Variants in COL4A3 observed in about 807,000 individuals in gnomAD.
The protein encoded by COL4A3 is collagen alpha-3(IV) chain.
COL4A3 carries 135 observed loss-of-function variants against 217.4 expected under a neutral mutation model. The ratio of observed to expected loss-of-function variants is 0.62; its 90% CI spans 0.54 to 0.72. The LOEUF is 0.72. Among genes scored for constraint, COL4A3 ranks in the 30% least tolerant of loss-of-function variants. COL4A3 has a pLI of 0.00. For missense variants in COL4A3, 1,868 were observed against 2,119.9 expected, an observed-to-expected ratio of 0.88 and a Z score of 2.33; for synonymous variants, 690 against 736.3, an observed-to-expected ratio of 0.94 and a Z score of 1.02.
At chr2:227,281,088 G>A in intron 31 of COL4A3, 82 bp downstream of exon 31, 1 of 860,780 alleles carries the variant, frequency 1.2e-6, no homozygotes, top group Non-Finnish European at 1.9e-6. Flanking sequence ...CTTAACATGG[G>A]AACTGTCCAG....
intron 1 of COL4A3, among the ~76,000 whole-genome samples, chr2:227,193,470 T>C (rs1218930239): frequency 6.6e-6 from 1 of 152,186 alleles, no homozygotes; most frequent in Non-Finnish European, 1.5e-5. Context: ...TCCTAGCACT[T>C]GGGGAGGCCG....
intron 51 of COL4A3, 66 bp from the exon 52 acceptor site, chr2:227,311,720 C>A: frequency 6.6e-7 from 1 of 1,511,424 alleles, no homozygotes; most frequent in South Asian, 1.2e-5. Flanking sequence ...ATTAATAAAA[C>A]AAACTCAGCA....
intron 3 of COL4A3, among the ~76,000 whole-genome samples, chr2:227,243,850 T>G (rs2125903077): frequency 6.6e-6 from 1 of 152,274 alleles, no homozygotes; most frequent in African/African-American, 2.4e-5. Flanking sequence ...GTTAATAGAG[T>G]GTTTCTTGTG....
intron 1 of COL4A3, among the ~76,000 whole-genome samples, chr2:227,231,671 C>T (rs1362886546): frequency 6.6e-6 from 1 of 152,090 alleles, no homozygotes. Context: ...CAGGTGTGCA[C>T]CACCATGTCC....
chr2:227,282,283 T>A lies in COL4A3; in HGVS notation c.2489-82T>A, dbSNP rs998565743. ...GGAGATTCCATCTTAAAAATATATA[T>A]ATATATATATATATATATTTCTGAA... On this transcript the variant is annotated intron_variant, in intron 31 of 51. Coordinates refer to ENST00000396578, the MANE Select transcript of COL4A3 (RefSeq NM_000091.5). This position sits in a 1 kb window ranked among gnomAD's most constrained non-coding sequence, Gnocchi z 4.4. 2.4e-6 allele frequency: 1 copy of A among 422,172 alleles called. No individual in the cohort carries two copies. The highest frequency in any genetic ancestry group is 3.6e-6 in the Non-Finnish European group (1 of 278,626). 26.2% of individuals were successfully genotyped at this position (422,172 alleles called of 1,614,324 possible). A position where few individuals can be genotyped will look rare whatever the true frequency, so the allele number is the denominator to read the frequency against.
chr2:227,277,337 A>C (rs2071636537), intron 27 of COL4A3, 112 bp from the exon 28 acceptor site: 1 of 741,858 alleles, frequency 1.3e-6, no homozygotes, highest in Non-Finnish European at 2.3e-6. Context: ...AAAAAAAAAA[A>C]AAACAATGTG....
rs1161306470 is a variant in COL4A3, at chr2:227,298,832, T to C, written c.3882+20T>C. 1 of 1,609,554 alleles carries C rather than the reference T, an allele frequency of 6.2e-7. No individual in the cohort carries two copies. The highest frequency in any genetic ancestry group is 1.3e-5 in the African/African-American group (1 of 74,916). ...CGTCTGGTGAGTATGGATAATTATT[T>C]TGACTCATTATTAATTCAATATCAA... is the stretch of plus-strand genomic sequence containing the variant. On this transcript the variant is annotated intron_variant, in intron 43 of 51. Coordinates refer to ENST00000396578, the MANE Select transcript of COL4A3 (RefSeq NM_000091.5).
At chr2:227,177,567 G>T (rs757113771) in intron 1 of COL4A3, among the ~76,000 whole-genome samples, 3 of 152,104 alleles carry the variant, frequency 2.0e-5, no homozygotes, top group Non-Finnish European at 2.9e-5. Flanking sequence ...TTCCAATTAT[G>T]TATTTAGAAA....
chr2:227,205,339 ATAAAT>A (rs1334865885), intron 1 of COL4A3, among the ~76,000 whole-genome samples: 2 of 151,316 alleles, frequency 1.3e-5, no homozygotes, highest in African/African-American at 4.9e-5. Flanking sequence ...ATCAAATAAA[ATAAAT>A]TAACTTTTGA....
Position 227,245,891 on chromosome 2 carries a change from T to C in COL4A3, c.325-63T>C, listed in dbSNP as rs2069305752. The C allele has an allele frequency of 1.1e-5, 13 of 1,168,808 alleles. No homozygotes were observed. The South Asian group carries it at 1.5e-4, about 13-fold the overall frequency. The allele number at this position is 1,168,808 out of a possible 1,614,324, so 72.4% of individuals were successfully genotyped here. A position where few individuals can be genotyped will look rare whatever the true frequency, so the allele number is the denominator to read the frequency against. On this transcript the variant is annotated intron_variant, in intron 5 of 51. Transcript: ENST00000396578. The stretch of plus-strand genomic sequence containing the variant: ...GAGCTATTTAAATCAGTGCATCTTT[T>C]CCCTTGGGTTCAGTGCTGTTTCTTG...
chr2:227,209,844 A>G (rs981302682), intron 1 of COL4A3, among the ~76,000 whole-genome samples: 2 of 152,138 alleles, frequency 1.3e-5, no homozygotes, highest in Admixed American at 1.3e-4. Context: ...CTCCATCTCA[A>G]AAACAAACAA....
In COL4A3 at chr2:227,231,065, C is replaced by T. The variant is rs114561168; in HGVS notation, c.88-6903C>T. Among the ~76,000 whole-genome samples, 742 of 152,294 alleles carry T rather than the reference C, an allele frequency of 4.9e-3. 6 individuals are homozygous for T. The highest frequency in any genetic ancestry group is 0.017 in the African/African-American group (686 of 41,564). On this transcript the variant is annotated intron_variant, in intron 1 of 51. Coordinates refer to ENST00000396578, the MANE Select transcript of COL4A3 (RefSeq NM_000091.5). ...AATTATTTTGGAGCAGTTCCACTAA[C>T]GCAGGCATAGAAACACAGCTCTAGA...
At chr2:227,243,701 A>C (rs988601634) in intron 3 of COL4A3, among the ~76,000 whole-genome samples, 1 of 152,248 alleles carries the variant, frequency 6.6e-6, no homozygotes, top group African/African-American at 2.4e-5. Flanking sequence ...GGCCTAGCTG[A>C]AACAGTCACC....
At chr2:227,166,790 C>G (rs146457568) in intron 1 of COL4A3, among the ~76,000 whole-genome samples, 52 of 152,234 alleles carry the variant, frequency 3.4e-4, no homozygotes, top group African/African-American at 1.2e-3. Flanking sequence ...AAAAAGGAAT[C>G]ACAACGTTCA....
chr2:227,297,015 CTAA>C (rs67210705), intron 41 of COL4A3, among the ~76,000 whole-genome samples: 4,213 of 152,250 alleles, frequency 0.028, 188 homozygotes, highest in African/African-American at 0.095. Context: ...TGAAGGTTTT[CTAA>C]GATGAAAAAT....
At chr2:227,294,927 T>C (rs914147330) in intron 39 of COL4A3, 37 bp from the exon 40 acceptor site, 1 of 1,444,152 alleles carries the variant, frequency 6.9e-7, no homozygotes, top group East Asian at 2.3e-5. Context: ...TTGTATACCA[T>C]AGTTTGGGGT....
chr2:227,168,162 A>G (rs923134430), intron 1 of COL4A3, among the ~76,000 whole-genome samples: 2 of 152,232 alleles, frequency 1.3e-5, no homozygotes, highest in African/African-American at 2.4e-5. Flanking sequence ...TTCATTTTAT[A>G]AAGTTGCAAT....
In COL4A3 at chr2:227,191,716, G is replaced by A. The variant is rs895161575; in HGVS notation, c.87+26903G>A. 6.6e-6 allele frequency among the ~76,000 whole-genome samples: 1 copy of A among 151,888 alleles called. No homozygotes were observed. The highest frequency in any genetic ancestry group is 2.4e-5 in the African/African-American group (1 of 41,360). On this transcript the variant is annotated intron_variant, in intron 1 of 51. Transcript: ENST00000396578. The surrounding 1 kb of genome is among the most constrained non-coding windows in gnomAD (Gnocchi z 6.8). ...AAGACAACTGTGTTTACAACTACTG[G>A]GCATATCTCAGGTTACCTTAAATGA...
Position 227,277,434 on chromosome 2 carries a change from G to A in COL4A3, c.2021-15G>A, listed in dbSNP as rs2071647500. ...GTTGCTGATGTGGAGATGCATATGT[G>A]TATTTGTTTCTAAGGTATCCCTGGA... On this transcript the variant is annotated splice_polypyrimidine_tract_variant and intron_variant, in intron 27 of 51. Coordinates refer to ENST00000396578, the MANE Select transcript of COL4A3 (RefSeq NM_000091.5). 3 of 1,531,884 alleles carry A rather than the reference G, an allele frequency of 2.0e-6. No homozygotes were observed. Among genetic ancestry groups the A allele is most frequent in the African/African-American group, 2.7e-5 (2 of 73,372 alleles). 94.9% of individuals were successfully genotyped at this position (1,531,884 alleles called of 1,614,324 possible).
Sources: allele counts gnomAD v4.1 joint callset (sites outside exome capture counted in the v4.1 genomes callset), GRCh38; gene constraint gnomAD v4.1.1; non-coding constraint Gnocchi (gnomAD v3.1); transcripts MANE v1.5; gene names NCBI Gene and HGNC (gene_info 2026-07-23, HGNC 2026-07-21).